PEAK1: variants seen among roughly 807,000 people sequenced by gnomAD.
PEAK1 encodes the protein pseudopodium enriched atypical kinase 1.
Under a neutral mutation model 124.7 loss-of-function variants are expected in PEAK1, and 54 were observed. The observed-to-expected ratio is 0.43, with a 90% CI of 0.35 to 0.54. The LOEUF (loss-of-function observed/expected upper bound fraction) is 0.54, where lower values mean the gene tolerates loss of function less well. Among genes scored for constraint, PEAK1 ranks in the 20% least tolerant of loss-of-function variants. The pLI is 0.01. For synonymous variants in PEAK1, 719 were observed against 760.0 expected (o/e 0.95, Z 0.89); for missense variants, 2,046 against 2,134.5 (o/e 0.96, Z 0.82).
intron 6 of PEAK1, among the ~76,000 whole-genome samples, chr15:77,230,183 A>T (rs911339425): frequency 6.7e-6 from 1 of 150,088 alleles, no homozygotes; most frequent in African/African-American, 2.4e-5. Flanking sequence ...ACATCATGCA[A>T]GTGACAGCAT....
chr15:77,335,915 T>G (rs1415645597), intron 2 of PEAK1: 1 of 985,220 alleles, frequency 1.0e-6, no homozygotes, highest in Non-Finnish European at 1.2e-6. Flanking sequence ...AGGAAACAAA[T>G]GCCACAATAA....
At chr15:77,337,068 A>G in intron 2 of PEAK1, 5 of 930,438 alleles carry the variant, frequency 5.4e-6, no homozygotes, top group Non-Finnish European at 6.4e-6. Context: ...ATGAGTAAAG[A>G]TAGGAAAAAG....
chr15:77,165,164 G>C (rs2055989144), intron 7 of PEAK1, among the ~76,000 whole-genome samples: 1 of 151,378 alleles, frequency 6.6e-6, no homozygotes, highest in African/African-American at 2.4e-5. Flanking sequence ...GCCTCCCAAA[G>C]TGTCGGGATT....
rs2073043986 is a variant in PEAK1 at position 77,418,164 on chromosome 15, T to C, written c.-666+1842A>G. On this transcript the variant is annotated intron_variant, in intron 1 of 9. Coordinates refer to ENST00000682557, the MANE Select transcript of PEAK1 (RefSeq NM_001385026.1). ...TATACTATCAACTGGATAAAACGAA[T>C]AGTTGAGGTATCATAATAGTTCAAA... The C allele has an allele frequency of 6.1e-6, 6 of 984,518 alleles. No homozygotes were observed. The South Asian group carries it at 2.3e-4, about 39-fold the overall frequency. 61.0% of individuals were successfully genotyped at this position (984,518 alleles called of 1,614,324 possible). A position where few individuals can be genotyped will look rare whatever the true frequency, so the allele number is the denominator to read the frequency against.
chr15:77,346,168 AAATT>A (rs1330804037), intron 2 of PEAK1: 1 of 978,320 alleles, frequency 1.0e-6, no homozygotes, highest in Non-Finnish European at 1.2e-6. Flanking sequence ...ACCAATAAAT[AAATT>A]ATTAAATCTA....
chr15:77,257,727 T>C (rs936451755), intron 5 of PEAK1, among the ~76,000 whole-genome samples: 20 of 152,018 alleles, frequency 1.3e-4, no homozygotes, highest in Admixed American at 1.3e-3. Context: ...AGCTCTTTAG[T>C]TTAACTAGAT....
chr15:77,344,506 C>T (rs562606623), intron 2 of PEAK1, among the ~76,000 whole-genome samples: 93 of 152,320 alleles, frequency 6.1e-4, no homozygotes, highest in South Asian at 1.7e-3. Context: ...GAGAGACCTC[C>T]AACTCTGTTC....
intron 6 of PEAK1, 50 bp from the exon 7 acceptor site, chr15:77,182,090 A>T: frequency 7.6e-7 from 1 of 1,314,830 alleles, no homozygotes; most frequent in Non-Finnish European, 9.7e-7. Flanking sequence ...AGGCACTATG[A>T]GACTTACCAT....
intron 6 of PEAK1, among the ~76,000 whole-genome samples, chr15:77,228,117 T>TTTA (rs757426498): frequency 7.2e-5 from 11 of 151,778 alleles, no homozygotes; most frequent in Middle Eastern, 3.4e-3. Context: ...CTATTTTTTA[T>TTTA]TTATTATTAT....
chr15:77,139,798 CACAT>C (rs920625329), intron 8 of PEAK1, among the ~76,000 whole-genome samples: 7 of 151,770 alleles, frequency 4.6e-5, no homozygotes, highest in Admixed American at 1.3e-4. Flanking sequence ...AACAACAACA[CACAT>C]ATATATACAC....
At chr15:77,376,423 T>C (rs2069033559) in intron 1 of PEAK1, among the ~76,000 whole-genome samples, 1 of 152,114 alleles carries the variant, frequency 6.6e-6, no homozygotes, top group African/African-American at 2.4e-5. Context: ...TGAGGTTCTT[T>C]ACTAAAAACA....
chr15:77,102,388 G>C (rs1423467763), exon 7 of PEAK1: 1 of 152,088 alleles, frequency 6.6e-6, no homozygotes, highest in Non-Finnish European at 1.5e-5. Context: ...CATGGACAAA[G>C]GTTTATCACC....
At chr15:77,227,010 T>C (rs2059707446) in intron 6 of PEAK1, among the ~76,000 whole-genome samples, 1 of 152,172 alleles carries the variant, frequency 6.6e-6, no homozygotes, top group Non-Finnish European at 1.5e-5. Context: ...CCTCAACCTT[T>C]AGTGCCTGTC....
At chr15:77,408,425 G>T (rs1014407245) in intron 1 of PEAK1, among the ~76,000 whole-genome samples, 2 of 151,722 alleles carry the variant, frequency 1.3e-5, no homozygotes, top group African/African-American at 4.9e-5. Flanking sequence ...TACACATGGG[G>T]TACAGCGTAC....
intron 8 of PEAK1, among the ~76,000 whole-genome samples, chr15:77,136,256 G>A (rs766658851): frequency 1.3e-5 from 2 of 151,876 alleles, no homozygotes; most frequent in East Asian, 1.9e-4. Context: ...CTTTGAACTT[G>A]AGAGAGAAGA....
At position 77,114,892 on chromosome 15, in the gene PEAK1, G is replaced by C. The variant is rs763070771; in HGVS notation, c.4505C>G (p.Ser1502Cys). The change falls in exon 10 of 10, where the codon TCT (serine) becomes TGT (cysteine). Residue 1502 changes from serine (S) to cysteine (C), a missense_variant. Coordinates refer to ENST00000682557, the MANE Select transcript of PEAK1 (RefSeq NM_001385026.1). ...QVCLLLLQLCSGLEHLKPYHV... is the reference protein window; with the variant it reads ...QVCLLLLQLCCGLEHLKPYHV... ...GTAGGGTTTGAGGTGCTCAAGACCA[G>C]AGCATAGCTGTAAGAGCAGCAGACA... The C allele has an allele frequency of 6.8e-6, 11 of 1,613,822 alleles. No homozygotes were observed. In the Admixed American group the frequency reaches 1.8e-4, roughly 27 times the overall value.
chr15:77,189,131 G>A (rs764759841), intron 6 of PEAK1, among the ~76,000 whole-genome samples: 2 of 152,088 alleles, frequency 1.3e-5, no homozygotes, highest in Non-Finnish European at 2.9e-5. Flanking sequence ...AACCTGGGAG[G>A]GGGAGGTTGC....
At chr15:77,273,254 A>G (rs187114331) in intron 5 of PEAK1, among the ~76,000 whole-genome samples, 1 of 152,326 alleles carries the variant, frequency 6.6e-6, no homozygotes, top group East Asian at 1.9e-4. Context: ...TAGTACTGGA[A>G]GTCCTAGCCA....
chr15:77,207,424 T>C (rs561500661), intron 6 of PEAK1, among the ~76,000 whole-genome samples: 6 of 152,310 alleles, frequency 3.9e-5, no homozygotes, highest in South Asian at 2.1e-4. Flanking sequence ...TTGCTAAAAC[T>C]TGAAGTAAGG....
Sources: gnomAD v4.1 joint callset for allele counts (sites outside exome capture counted in the v4.1 genomes callset) on GRCh38, gnomAD v4.1.1 for gene constraint, MANE v1.5 for transcripts, NCBI Gene and HGNC (gene_info 2026-07-23, HGNC 2026-07-21) for gene names.